ASAP1: variants seen among roughly 807,000 people sequenced by gnomAD.
ASAP1 encodes the protein ArfGAP with SH3 domain, ankyrin repeat and PH domain 1, also known as arf-GAP with SH3 domain, ANK repeat and PH domain-containing protein 1.
Under a neutral mutation model 145.2 loss-of-function variants are expected in ASAP1, and 43 were observed. The observed-to-expected ratio is 0.30, with a 90% confidence interval of 0.23 to 0.38. ASAP1 has a LOEUF of 0.38. ASAP1 is among the 10% of genes least tolerant of loss of function. The probability of loss-of-function intolerance (pLI) is 1.00; values close to 1 mark genes in which losing one functional copy is unlikely to be tolerated. For synonymous variants in ASAP1, 546 were observed against 515.5 expected, an observed-to-expected ratio of 1.06 and a Z score of -0.80; for missense variants, 1,018 against 1,355.3, an observed-to-expected ratio of 0.75 and a Z score of 3.91.
At chr8:130,423,861 T>C (rs1181918992) in intron 1 of ASAP1, among the ~76,000 whole-genome samples, 2 of 151,956 alleles carry the variant, frequency 1.3e-5, no homozygotes, top group African/African-American at 4.8e-5. Context: ...GAAAAAGTAA[T>C]TGTGCAGAAA....
At chr8:130,125,002 G>A (rs2097572714) in intron 17 of ASAP1, among the ~76,000 whole-genome samples, 1 of 152,172 alleles carries the variant, frequency 6.6e-6, no homozygotes, top group Non-Finnish European at 1.5e-5. Flanking sequence ...TAGAACACAA[G>A]ACAGATCACG....
intron 3 of ASAP1, among the ~76,000 whole-genome samples, chr8:130,344,305 T>C (rs775508287): frequency 6.6e-6 from 1 of 152,230 alleles, no homozygotes; most frequent in Non-Finnish European, 1.5e-5. Flanking sequence ...CCAGGGAAAT[T>C]TGAACAGCGA....
At chr8:130,202,004 T>A (rs1477850276) in intron 5 of ASAP1, among the ~76,000 whole-genome samples, 1 of 152,196 alleles carries the variant, frequency 6.6e-6, no homozygotes, top group Non-Finnish European at 1.5e-5. Flanking sequence ...GGTGACATAG[T>A]AATGTCTCAT....
chr8:130,140,633 C>A (rs775093301), intron 13 of ASAP1, among the ~76,000 whole-genome samples: 1 of 152,108 alleles, frequency 6.6e-6, no homozygotes, highest in Non-Finnish European at 1.5e-5. Flanking sequence ...GTGGTGATGA[C>A]GTTATGATGT....
intron 2 of ASAP1, among the ~76,000 whole-genome samples, chr8:130,379,251 A>G (rs1254117961): frequency 6.6e-6 from 1 of 152,046 alleles, no homozygotes; most frequent in African/African-American, 2.4e-5. Flanking sequence ...CCCCTCCCCC[A>G]TACCTGGCCC....
chr8:130,100,298 C>A (rs1045245046), intron 24 of ASAP1, among the ~76,000 whole-genome samples: 1 of 151,830 alleles, frequency 6.6e-6, no homozygotes, highest in African/African-American at 2.4e-5. Flanking sequence ...TACTTATTAG[C>A]CATTTATATG....
intron 3 of ASAP1, among the ~76,000 whole-genome samples, chr8:130,314,134 AG>A (rs1406142981): frequency 1.3e-5 from 2 of 152,210 alleles, no homozygotes; most frequent in Non-Finnish European, 2.9e-5. Context: ...CAATCATGCA[AG>A]GCTCTCACTT....
rs190061904 is a variant in ASAP1, at chr8:130,128,792, C to A, written c.1218-702G>T. On this transcript the variant is annotated intron_variant, in intron 15 of 29. Coordinates refer to ENST00000518721, the MANE Select transcript of ASAP1 (RefSeq NM_018482.4). ...TGATTAACTAGGCCTGAAATAACCA[C>A]AAAGTAGAACAGTTAAGCAGGCATT... Among the ~76,000 whole-genome samples the A allele has an allele frequency of 3.9e-5, 6 of 152,228 alleles. No individual in the cohort carries two copies. The East Asian group carries it at 9.6e-4, about 24-fold the overall frequency.
chr8:130,335,497 A>G (rs1287502949), intron 3 of ASAP1, among the ~76,000 whole-genome samples: 1 of 152,220 alleles, frequency 6.6e-6, no homozygotes, highest in Non-Finnish European at 1.5e-5. Context: ...AGAAATAGCA[A>G]AATGAATGCA....
chr8:130,335,554 G>A (rs1586852404), intron 3 of ASAP1, among the ~76,000 whole-genome samples: 2 of 152,188 alleles, frequency 1.3e-5, no homozygotes, highest in African/African-American at 4.8e-5. Context: ...AAGAGATCAT[G>A]ATTCAAAGCC....
chr8:130,236,549 T>C (rs1467708180), intron 4 of ASAP1, among the ~76,000 whole-genome samples: 1 of 152,158 alleles, frequency 6.6e-6, no homozygotes, highest in East Asian at 1.9e-4. Flanking sequence ...TTTTCAAATG[T>C]GTACAGGTAC....
chr8:130,291,106 C>CA (rs912126569), intron 3 of ASAP1, among the ~76,000 whole-genome samples: 1 of 152,140 alleles, frequency 6.6e-6, no homozygotes, highest in Non-Finnish European at 1.5e-5. Context: ...TGAATCTGCT[C>CA]AGATTCTTGT....
At chr8:130,071,847 T>C (rs1030393652) in intron 27 of ASAP1, among the ~76,000 whole-genome samples, 3 of 152,232 alleles carry the variant, frequency 2.0e-5, no homozygotes, top group Non-Finnish European at 4.4e-5. Flanking sequence ...TGTATATATA[T>C]GTTTTTTGAT....
chr8:130,305,381 C>T (rs1015505190), intron 3 of ASAP1, among the ~76,000 whole-genome samples: 3 of 152,210 alleles, frequency 2.0e-5, no homozygotes, highest in African/African-American at 7.2e-5. Context: ...GACTCTTGCT[C>T]TGTTGCCCAG....
chr8:130,215,898 TG>T (rs973571064), intron 4 of ASAP1, among the ~76,000 whole-genome samples: 4 of 147,040 alleles, frequency 2.7e-5, no homozygotes, highest in African/African-American at 1.0e-4. Flanking sequence ...GCACCCAGCC[TG>T]GGTGATAGAA....
At chr8:130,215,284 T>C (rs768352910) in intron 4 of ASAP1, among the ~76,000 whole-genome samples, 1 of 152,256 alleles carries the variant, frequency 6.6e-6, no homozygotes, top group Non-Finnish European at 1.5e-5. Context: ...TCAAATTACA[T>C]CACATTTTCA....
At chr8:130,247,682 G>A (rs1818932571) in intron 3 of ASAP1, among the ~76,000 whole-genome samples, 1 of 152,134 alleles carries the variant, frequency 6.6e-6, no homozygotes, top group Non-Finnish European at 1.5e-5. Context: ...AGGTCACTGG[G>A]GTTGTGCCAC....
intron 1 of ASAP1, among the ~76,000 whole-genome samples, chr8:130,428,409 CCACCACCATCACCATCATCATCAT>C (rs1830004601): frequency 7.0e-6 from 1 of 143,528 alleles, no homozygotes; most frequent in Non-Finnish European, 1.5e-5. Context: ...TGCCAAATCA[CCACCACCATCACCATCATCATCAT>C]CACCACCACC....
At chr8:130,320,216 T>C (rs534423568) in intron 3 of ASAP1, among the ~76,000 whole-genome samples, 16 of 152,308 alleles carry the variant, frequency 1.1e-4, no homozygotes, top group Non-Finnish European at 2.1e-4. Flanking sequence ...CAAAATGGAA[T>C]ATCAATGAGC....
Sources: allele counts gnomAD v4.1 joint callset (sites outside exome capture counted in the v4.1 genomes callset), GRCh38; gene constraint gnomAD v4.1.1; transcripts MANE v1.5; gene names NCBI Gene and HGNC (gene_info 2026-07-23, HGNC 2026-07-21).